Variants in HIP1 observed in about 807,000 individuals in gnomAD.
HIP1 encodes the protein huntingtin-interacting protein 1.
Under a neutral mutation model 147.6 loss-of-function variants are expected in HIP1, and 65 were observed. The observed-to-expected ratio is 0.44, with a 90% CI of 0.36 to 0.54. The LOEUF (loss-of-function observed/expected upper bound fraction) is 0.54. HIP1 is among the 20% of genes least tolerant of loss of function. The pLI, the probability that HIP1 is intolerant of heterozygous loss-of-function variation, is 0.00. For synonymous variants in HIP1, 479 were observed against 504.0 expected, an observed-to-expected ratio of 0.95 and a Z score of 0.67; for missense variants, 1,061 against 1,299.6, an observed-to-expected ratio of 0.82 and a Z score of 2.82.
rs1554490198 is a variant in HIP1 at position 75,542,866 on chromosome 7, G to C, written c.2875C>G (p.Gln959Glu). The C allele has an allele frequency of 1.2e-6, 2 of 1,613,986 alleles. No individual in the cohort carries two copies. The highest frequency in any genetic ancestry group is 2.7e-5 in the African/African-American group (2 of 74,930). ...GAAAGGCTACCTGTCTCTTCGATCT[G>C]TGATTTGCCGGAAATGGTTGAGGCC... is the stretch of plus-strand genomic sequence containing the variant. ...VVASTISGKSQIEETDNMDFS... is the reference protein window; with the variant it reads ...VVASTISGKSEIEETDNMDFS... The change falls in exon 28 of 31, where the codon CAG becomes GAG. Residue 959 changes from glutamine (Q) to glutamate (E), a missense_variant. Transcript: ENST00000336926.
chr7:75,724,868 G>A (rs964085384), intron 1 of HIP1, among the ~76,000 whole-genome samples: 30 of 152,176 alleles, frequency 2.0e-4, no homozygotes, highest in Non-Finnish European at 1.5e-5. Context: ...TTGCAGATGC[G>A]TGGTTCATAA....
At chr7:75,702,214 G>A (rs191847117) in intron 1 of HIP1, among the ~76,000 whole-genome samples, 4 of 151,922 alleles carry the variant, frequency 2.6e-5, no homozygotes, top group African/African-American at 7.2e-5. Context: ...GAGTTCAAGC[G>A]ATTCTCCTGC....
In HIP1 at chr7:75,554,174, G is replaced by A. The variant is rs1554492723; in HGVS notation, c.2097C>T (p.Thr699=). The change falls in exon 21 of 31, where the codon ACC becomes ACT. Residue 699 remains threonine (T), a synonymous_variant. Coordinates refer to ENST00000336926, the MANE Select transcript of HIP1 (RefSeq NM_005338.7). ...TGGCACCATGAGCAATGGCGTCGCT[G>A]GTCAAGTGGGCCAGCAGGGTTATGG... ...LHSITLLAHL[T]SDAIAHGATT... 3 of 1,614,074 alleles carry A rather than the reference G, an allele frequency of 1.9e-6. No homozygotes were observed. The South Asian group carries it at 3.3e-5, about 18-fold the overall frequency.
chr7:75,595,396 G>C (rs1796706912), intron 2 of HIP1, among the ~76,000 whole-genome samples: 1 of 150,648 alleles, frequency 6.6e-6, no homozygotes, highest in Non-Finnish European at 1.5e-5. Flanking sequence ...AGGCTGGAGT[G>C]CAGTGGCACA....
intron 1 of HIP1, among the ~76,000 whole-genome samples, chr7:75,642,426 T>C (rs1409586350): frequency 2.0e-5 from 3 of 152,152 alleles, no homozygotes; most frequent in African/African-American, 4.8e-5. Flanking sequence ...TCCCATCTAG[T>C]CAGGAGGTTG....
At chr7:75,661,677 G>A (rs1450703273) in intron 1 of HIP1, among the ~76,000 whole-genome samples, 4 of 151,880 alleles carry the variant, frequency 2.6e-5, no homozygotes, top group Non-Finnish European at 5.9e-5. Flanking sequence ...AGATCCCCAA[G>A]GATGCGAAGC....
chr7:75,626,716 A>T (rs1446371045), intron 1 of HIP1: 3 of 152,226 alleles, frequency 2.0e-5, no homozygotes, highest in African/African-American at 7.2e-5. Context: ...TGGTGAAAAC[A>T]AAAATTAAAG....
chr7:75,688,928 C>A (rs773660794), intron 1 of HIP1, among the ~76,000 whole-genome samples: 1 of 152,232 alleles, frequency 6.6e-6, no homozygotes, highest in Non-Finnish European at 1.5e-5. Flanking sequence ...GTCCACCCTG[C>A]AGCCACGCGC....
intron 1 of HIP1, among the ~76,000 whole-genome samples, chr7:75,694,530 G>C (rs1800571968): frequency 6.9e-6 from 1 of 144,042 alleles, no homozygotes; most frequent in South Asian, 2.2e-4. Context: ...TTGAGGAGGG[G>C]GACAGGGTCT....
chr7:75,561,319 C>G lies in HIP1; in HGVS notation c.1191+10G>C. On this transcript the variant is annotated intron_variant, in intron 13 of 30. Coordinates refer to ENST00000336926, the MANE Select transcript of HIP1 (RefSeq NM_005338.7). ...GTGAAGCGCAAAGGCAGAGCAGATC[C>G]AAGTTATACCTCAGTCTTCATGTTT... 6.3e-7 allele frequency: 1 copy of G among 1,589,002 alleles called. No individual in the cohort carries two copies. Among genetic ancestry groups the G allele is most frequent in the Non-Finnish European group, 8.6e-7 (1 of 1,157,200 alleles).
chr7:75,710,275 G>A (rs868947176), intron 1 of HIP1, among the ~76,000 whole-genome samples: 26 of 152,144 alleles, frequency 1.7e-4, no homozygotes, highest in African/African-American at 6.3e-4. Flanking sequence ...GATCATGTGG[G>A]TTTTTTCCTT....
intron 1 of HIP1, among the ~76,000 whole-genome samples, chr7:75,685,010 G>A (rs1309763864): frequency 2.0e-5 from 3 of 152,130 alleles, no homozygotes; most frequent in Non-Finnish European, 4.4e-5. Context: ...AGAATGGCAT[G>A]AACCCAGGAG....
intron 2 of HIP1, among the ~76,000 whole-genome samples, chr7:75,594,092 C>T (rs2116979210): frequency 6.6e-6 from 1 of 152,150 alleles, no homozygotes; most frequent in East Asian, 1.9e-4. Flanking sequence ...ATCAGCCTGA[C>T]CAATGTGGTG....
intron 1 of HIP1, among the ~76,000 whole-genome samples, chr7:75,732,930 C>T (rs142777829): frequency 0.01 from 1,573 of 152,230 alleles, 28 homozygotes; most frequent in African/African-American, 0.035. Flanking sequence ...CCAGGAGCCC[C>T]GCAGTGGCCA....
Position 75,556,744 on chromosome 7 carries a change from T to C in HIP1, c.1649A>G (p.Gln550Arg), listed in dbSNP as rs782649884. The change falls in exon 17 of 31, where the codon CAG (glutamine) becomes CGG (arginine). Residue 550 changes from glutamine (Q) to arginine (R), a missense_variant. This residue lies in a region of HIP1 where 810 missense variants were observed against 946.8 expected (regional missense o/e 0.86). Transcript: ENST00000336926. ...AGTTTCCAGGCTGCCTTGCAGAACC[T>C]GAAGCTCCCGTTGGCTTGTGGCAAG... ...QELATSQREL[Q>R]VLQGSLETSA... The C allele has an allele frequency of 1.2e-6, 2 of 1,613,322 alleles. No homozygotes were observed. Among genetic ancestry groups the C allele is most frequent in the Non-Finnish European group, 8.5e-7 (1 of 1,179,414 alleles).
intron 1 of HIP1, among the ~76,000 whole-genome samples, chr7:75,607,374 G>A (rs587614489): frequency 6.6e-6 from 1 of 151,206 alleles, no homozygotes; most frequent in Admixed American, 6.6e-5. Context: ...GATTGCAGGT[G>A]CACACCACCA....
intron 1 of HIP1, among the ~76,000 whole-genome samples, chr7:75,706,473 C>CT (rs139655610): frequency 0.2 from 27,015 of 138,016 alleles, 3,023 homozygotes; most frequent in African/African-American, 0.29. Context: ...TATATATCTT[C>CT]TTTTTTTTTA....
chr7:75,693,596 C>T (rs1271169051), intron 1 of HIP1, among the ~76,000 whole-genome samples: 1 of 152,036 alleles, frequency 6.6e-6, no homozygotes, highest in Non-Finnish European at 1.5e-5. Context: ...GATTTTCTGG[C>T]CAGCGCGGTT....
At chr7:75,624,836 A>G (rs1554507744) in intron 1 of HIP1, among the ~76,000 whole-genome samples, 2 of 152,100 alleles carry the variant, frequency 1.3e-5, no homozygotes, top group East Asian at 1.9e-4. Flanking sequence ...TTTAAGTTCC[A>G]TCATTCATTC....
Sources: gnomAD v4.1 joint callset for allele counts (sites outside exome capture counted in the v4.1 genomes callset) on GRCh38, gnomAD v4.1.1 for gene constraint, gnomAD v4.1.1 regional missense constraint, MANE v1.5 for transcripts, NCBI Gene and HGNC (gene_info 2026-07-23, HGNC 2026-07-21) for gene names.